Variants in ZBTB44 observed in about 807,000 individuals in gnomAD.
ZBTB44 encodes the protein zinc finger and BTB domain containing 44.
ZBTB44 carries 15 observed loss-of-function variants against 54.0 expected under a neutral mutation model. The ratio of observed to expected loss-of-function variants is 0.28; its 90% CI spans 0.19 to 0.43. The LOEUF (loss-of-function observed/expected upper bound fraction) is 0.43. ZBTB44 is among the 20% of genes least tolerant of loss of function. The probability of loss-of-function intolerance (pLI) is 1.00; values close to 1 mark genes in which losing one functional copy is unlikely to be tolerated. For synonymous variants in ZBTB44, 230 were observed against 250.1 expected (o/e 0.92, Z 0.76); for missense variants, 487 against 707.1 (o/e 0.69, Z 3.53).
intron 1 of ZBTB44, among the ~76,000 whole-genome samples, chr11:130,313,221 C>T (rs1054576359): frequency 3.3e-5 from 5 of 152,144 alleles, no homozygotes; most frequent in African/African-American, 7.2e-5. Context: ...TGTAATTCTT[C>T]GTATCACTAA....
intron 1 of ZBTB44, among the ~76,000 whole-genome samples, chr11:130,276,422 T>C (rs1940104402): frequency 6.6e-6 from 1 of 151,052 alleles, no homozygotes; most frequent in South Asian, 2.1e-4. Context: ...TTTAATTTTC[T>C]ATACGTTTCT....
chr11:130,238,499 G>A lies in ZBTB44; in HGVS notation c.1212C>T (p.Cys404=), dbSNP rs370769209. The change falls in exon 4 of 8, where the codon TGC becomes TGT. Residue 404 remains cysteine, a synonymous_variant. Coordinates refer to ENST00000357899, the MANE Select transcript of ZBTB44 (RefSeq NM_001301098.2). ...GPDRPFQCPT[C]GVRFTRIQNL... Reference sequence around the variant, plus strand: ...TCTGAATACGGGTGAATCGCACCCCGCAGGTTGGACACTGAAAAGGTCTGT... The same window carrying A: ...TCTGAATACGGGTGAATCGCACCCCACAGGTTGGACACTGAAAAGGTCTGT... 1.9e-5 allele frequency: 30 copies of A among 1,609,264 alleles called. No individual in the cohort carries two copies. The highest frequency in any genetic ancestry group is 3.4e-5 in the Admixed American group (2 of 59,394).
Position 130,281,601 on chromosome 11 carries a change from T to TGG in ZBTB44, c.-56-19674_-56-19673dup, listed in dbSNP as rs548610445. Among the ~76,000 whole-genome samples the TGG allele has an allele frequency of 2.6e-3, 385 of 148,692 alleles. 2 individuals carry two copies. Among genetic ancestry groups the TGG allele is most frequent in the Non-Finnish European group, 4.0e-3 (266 of 67,168 alleles). On this transcript the variant is annotated intron_variant, in intron 1 of 7. Transcript: ENST00000357899. ...TAGTTTTATTGTTGTTGTTGTTTTTTGGGGGGGGGATGGAGTCTCGTCTCA... is the reference window on the plus strand; with the variant it reads ...TAGTTTTATTGTTGTTGTTGTTTTTTGGGGGGGGGGGATGGAGTCTCGTCTCA...
Position 130,261,952 on chromosome 11 carries a change from CATTA to C in ZBTB44, c.-56-27_-56-24del. ...GTCCTAAAAAATACATAAAATAAAG[CATTA>C]ATTGATATTTTAGTGGTTTAAAATG... is the stretch of plus-strand genomic sequence containing the variant. On this transcript the variant is annotated intron_variant, in intron 1 of 7. Coordinates refer to ENST00000357899, the MANE Select transcript of ZBTB44 (RefSeq NM_001301098.2). This position sits in a 1 kb window ranked among gnomAD's most constrained non-coding sequence, Gnocchi z 4.8. 1 of 1,399,280 alleles carries C rather than the reference CATTA, an allele frequency of 7.1e-7. No homozygotes were observed. Among genetic ancestry groups the C allele is most frequent in the African/African-American group, 1.4e-5 (1 of 69,194 alleles). 86.7% of individuals were successfully genotyped at this position (1,399,280 alleles called of 1,614,324 possible).
At chr11:130,291,634 G>A (rs1941305108) in intron 1 of ZBTB44, among the ~76,000 whole-genome samples, 1 of 152,038 alleles carries the variant, frequency 6.6e-6, no homozygotes, top group Non-Finnish European at 1.5e-5. Context: ...TCTCTACACT[G>A]AACTCTGGTG....
intron 2 of ZBTB44, among the ~76,000 whole-genome samples, chr11:130,245,108 C>CT (rs780324831): frequency 7.9e-5 from 12 of 152,194 alleles, no homozygotes; most frequent in Admixed American, 3.9e-4. Context: ...ATACGCAGGA[C>CT]TATGTGTGTT....
chr11:130,296,989 T>G, intron 1 of ZBTB44: 1 of 743,420 alleles, frequency 1.3e-6, no homozygotes, highest in Non-Finnish European at 2.5e-6. Flanking sequence ...ATCAAGAAAG[T>G]TGAGAAGTCC....
At chr11:130,308,725 A>G (rs982925217) in intron 1 of ZBTB44, among the ~76,000 whole-genome samples, 4 of 152,142 alleles carry the variant, frequency 2.6e-5, no homozygotes, top group East Asian at 1.9e-4. Context: ...TCATCACCTT[A>G]TATGTTCTAA....
chr11:130,252,051 T>C (rs981540528), intron 2 of ZBTB44, among the ~76,000 whole-genome samples: 7 of 151,816 alleles, frequency 4.6e-5, no homozygotes, highest in African/African-American at 7.3e-5. Context: ...AAGACACACA[T>C]AGACTCAAAA....
intron 3 of ZBTB44, 103 bp from the exon 4 acceptor site, chr11:130,238,710 A>T: frequency 8.4e-7 from 1 of 1,196,762 alleles, no homozygotes. Flanking sequence ...ACACTTAAAG[A>T]CTTTTTGAAA....
intron 1 of ZBTB44, among the ~76,000 whole-genome samples, chr11:130,299,756 C>T (rs1218947325): frequency 6.6e-6 from 1 of 151,986 alleles, no homozygotes; most frequent in African/African-American, 2.4e-5. Context: ...TAGAGGGGCT[C>T]CTCAAAAAAT....
rs138116687 is a variant in ZBTB44 at position 130,252,557 on chromosome 11, G to A, written c.1018+8299C>T. 7.3e-3 allele frequency among the ~76,000 whole-genome samples: 1,117 copies of A among 152,134 alleles called. 14 individuals are homozygous for A. Among genetic ancestry groups the A allele is most frequent in the African/African-American group, 0.025 (1,036 of 41,514 alleles). On this transcript the variant is annotated intron_variant, in intron 2 of 7. Transcript: ENST00000357899. ...CACACCTCAGCAAATGCAAAAGAAC[G>A]GAAATCGTAACAAACAGCCTCTCAG...
rs141997777 is a variant in ZBTB44 at position 130,266,066 on chromosome 11, T to C, written c.-56-4137A>G. Among the ~76,000 whole-genome samples, 15 of 152,346 alleles carry C rather than the reference T, an allele frequency of 9.8e-5. 1 individual carries two copies. The East Asian group carries it at 2.9e-3, about 29-fold the overall frequency. ...TCACAGCTAGAGAGAAGTCAATGCC[T>C]GGCTTCAAAACTTCAAAGGACGGGA... On this transcript the variant is annotated intron_variant, in intron 1 of 7. Coordinates refer to ENST00000357899, the MANE Select transcript of ZBTB44 (RefSeq NM_001301098.2).
intron 1 of ZBTB44, among the ~76,000 whole-genome samples, chr11:130,294,531 A>T (rs1226043802): frequency 7.8e-6 from 1 of 128,920 alleles, no homozygotes; most frequent in African/African-American, 3.0e-5. Context: ...ACAAAGGTCT[A>T]TATGACCAAA....
chr11:130,238,360 C>A, intron 4 of ZBTB44, 84 bp downstream of exon 4: 1 of 1,390,632 alleles, frequency 7.2e-7, no homozygotes, highest in Non-Finnish European at 9.5e-7. Context: ...AACTCAGAAG[C>A]CCCTGTTTTC....
chr11:130,237,592 GT>G (rs748026665), intron 4 of ZBTB44, among the ~76,000 whole-genome samples: 8 of 152,108 alleles, frequency 5.3e-5, no homozygotes, highest in African/African-American at 1.7e-4. Context: ...GATATAATGG[GT>G]TTTTTTGGGT....
chr11:130,301,319 AGAT>A (rs533874617), intron 1 of ZBTB44, among the ~76,000 whole-genome samples: 161 of 152,296 alleles, frequency 1.1e-3, no homozygotes, highest in African/African-American at 3.7e-3. Flanking sequence ...CTGAGAGAAA[AGAT>A]GATGAAGTAG....
intron 1 of ZBTB44, among the ~76,000 whole-genome samples, chr11:130,303,622 C>T (rs750589564): frequency 4.6e-5 from 7 of 151,728 alleles, no homozygotes; most frequent in Admixed American, 3.3e-4. Context: ...GCAACAAGAG[C>T]GAAACTCCAT....
intron 2 of ZBTB44, among the ~76,000 whole-genome samples, chr11:130,257,323 C>A (rs990170503): frequency 6.6e-6 from 1 of 150,922 alleles, no homozygotes; most frequent in African/African-American, 2.4e-5. Flanking sequence ...AGGGTCTTAG[C>A]AGATGTAATC....
Sources: allele counts gnomAD v4.1 joint callset (sites outside exome capture counted in the v4.1 genomes callset), GRCh38; gene constraint gnomAD v4.1.1; non-coding constraint Gnocchi (gnomAD v3.1); transcripts MANE v1.5; gene names NCBI Gene and HGNC (gene_info 2026-07-23, HGNC 2026-07-21).